The following A2ML1 variants were observed in gnomAD, a reference collection of about 807,000 sequenced individuals.
The protein encoded by A2ML1 is alpha-2-macroglobulin like 1.
In A2ML1, 161 loss-of-function variants were observed where a neutral mutation model predicts 181.9. The ratio of observed to expected loss-of-function variants is 0.89; its 90% confidence interval spans 0.78 to 1.01. A2ML1 has a LOEUF of 1.01. Ranked by LOEUF, A2ML1 falls within the 50% of genes least tolerant of loss-of-function variation. The pLI is 0.00. For synonymous variants in A2ML1, 663 were observed against 666.8 expected (o/e 0.99, Z 0.09); for missense variants, 1,670 against 1,768.1 (o/e 0.94, Z 1.00).
At position 8,862,891 on chromosome 12, in the gene A2ML1, C is replaced by T. The variant is rs770176366; in HGVS notation, c.3503-903C>T. ...ATCTCTAAAATTCTGTTTAATTAGT[C>T]TTCTAACGTACAGTCTTCTCATTTC... On this transcript the variant is annotated intron_variant, in intron 28 of 35. Transcript: ENST00000299698. Among the ~76,000 whole-genome samples the T allele has an allele frequency of 3.3e-5, 5 of 152,182 alleles. No individual in the cohort carries two copies. In the South Asian group the frequency reaches 1.0e-3, roughly 32 times the overall value.
intron 28 of A2ML1, among the ~76,000 whole-genome samples, chr12:8,863,047 G>T (rs759561206): frequency 6.6e-6 from 1 of 151,334 alleles, no homozygotes; most frequent in East Asian, 1.9e-4. Context: ...TTTCTTCATG[G>T]TTTCTCAGAA....
Position 8,835,614 on chromosome 12 carries a change from T to C in A2ML1, c.591T>C (p.Thr197=). Residue 197 remains threonine (T), a synonymous_variant, in exon 6 of 36, where the codon ACT becomes ACC. Transcript: ENST00000299698. The part of the protein sequence containing the change: ...LAPEAMLGTY[T]VAVAEGKTFG... Reference sequence around the variant, plus strand: ...CAGAGGCAATGCTGGGCACCTACACTGTGGCAGTGGCTGAGGGCAAGACCT... The same window carrying C: ...CAGAGGCAATGCTGGGCACCTACACCGTGGCAGTGGCTGAGGGCAAGACCT... 6.2e-7 allele frequency: 1 copy of C among 1,614,176 alleles called. No homozygotes were observed. The highest frequency in any genetic ancestry group is 2.2e-5 in the East Asian group (1 of 44,888).
chr12:8,846,035 T>C (rs1943671897), intron 13 of A2ML1, 42 bp from the exon 14 acceptor site: 2 of 1,610,504 alleles, frequency 1.2e-6, no homozygotes, highest in Middle Eastern at 1.7e-4. Context: ...GGCAGGTGAA[T>C]GTGCATTCTG....
At chr12:8,860,839 C>T (rs1944231030) in intron 26 of A2ML1, 42 bp from the exon 27 acceptor site, 2 of 1,554,756 alleles carry the variant, frequency 1.3e-6, no homozygotes, top group Non-Finnish European at 1.8e-6. Context: ...CTTGCAGCTG[C>T]TGCCTGCTGC....
chr12:8,854,156 G>A lies in A2ML1; in HGVS notation c.2619G>A (p.Lys873=). Residue 873 remains lysine, a synonymous_variant, in exon 21 of 36, where the codon AAG becomes AAA. Transcript: ENST00000299698. ...ACATTAACTTTACTATTAGTACAAAGATTCTGGACAGCAATGAACCATGTG... is the reference window on the plus strand; with the variant it reads ...ACATTAACTTTACTATTAGTACAAAAATTCTGGACAGCAATGAACCATGTG... ...LGHINFTIST[K]ILDSNEPCGG... The A allele has an allele frequency of 1.2e-6, 2 of 1,603,826 alleles. No homozygotes were observed. The highest frequency in any genetic ancestry group is 1.7e-6 in the Non-Finnish European group (2 of 1,174,850).
In A2ML1 at chr12:8,838,475, T is replaced by C. The variant is rs1467151243; in HGVS notation, c.970+25T>C. The C allele has an allele frequency of 1.5e-5, 24 of 1,580,658 alleles. No individual in the cohort carries two copies. In the Admixed American group the frequency reaches 4.1e-4, roughly 27 times the overall value. On this transcript the variant is annotated intron_variant, in intron 9 of 35. Transcript: ENST00000299698. ...GGTAAGTAGGGTGCTCCTTGGCTCA[T>C]TAAGAAAAGAGAAAGAAAAAGGGCT... is the stretch of plus-strand genomic sequence containing the variant.
chr12:8,836,703 C>A lies in A2ML1; in HGVS notation c.728+364C>A, dbSNP rs182807139. On this transcript the variant is annotated intron_variant, in intron 7 of 35. Coordinates refer to ENST00000299698, the MANE Select transcript of A2ML1 (RefSeq NM_144670.6). The stretch of plus-strand genomic sequence containing the variant: ...TTCGCCGTGTTGGCCAGGCTGGTCT[C>A]GGACTCCTGACCTCAGGTGATCCGC... 2.8e-4 allele frequency among the ~76,000 whole-genome samples: 43 copies of A among 152,080 alleles called. 2 individuals carry two copies. In the East Asian group the frequency reaches 6.0e-3, roughly 21 times the overall value.
At chr12:8,841,670 T>C (rs1334029641) in intron 11 of A2ML1, 134 bp downstream of exon 11, 1 of 897,834 alleles carries the variant, frequency 1.1e-6, no homozygotes, top group South Asian at 2.0e-5. Flanking sequence ...GCTCTCCCGT[T>C]GACAAAAAGT....
downstream of A2ML1, among the ~76,000 whole-genome samples, chr12:8,880,917 CA>C (rs1944864701): frequency 6.6e-6 from 1 of 152,120 alleles, no homozygotes; most frequent in Non-Finnish European, 1.5e-5. Context: ...TATGTGTGAG[CA>C]GAGTGATTCT....
chr12:8,825,950 A>G (rs1942915785), intron 3 of A2ML1, among the ~76,000 whole-genome samples: 1 of 151,898 alleles, frequency 6.6e-6, no homozygotes. Context: ...TGGTCTATGT[A>G]TTTGTTTTTA....
At chr12:8,838,076 A>C (rs1316776113) in intron 8 of A2ML1, among the ~76,000 whole-genome samples, 1 of 152,150 alleles carries the variant, frequency 6.6e-6, no homozygotes, top group Non-Finnish European at 1.5e-5. Context: ...GGAACCAAGA[A>C]ATTGACCTAA....
rs1943933674 is a variant in A2ML1 at position 8,852,703 on chromosome 12, T to C, written c.2590+367T>C. Among the ~76,000 whole-genome samples, 1 of 152,162 alleles carries C rather than the reference T, an allele frequency of 6.6e-6. No homozygotes were observed. Among genetic ancestry groups the C allele is most frequent in the Non-Finnish European group, 1.5e-5 (1 of 68,022 alleles). ...ATTGACTAATTAATTTTTATTTTAT[T>C]TATTTATTTTTGAGAGGAAGTCTCG... On this transcript the variant is annotated intron_variant, in intron 20 of 35. Transcript: ENST00000299698. The surrounding 1 kb of genome is among the most constrained non-coding windows in gnomAD (Gnocchi z 4.2).
At position 8,866,885 on chromosome 12, in the gene A2ML1, T is replaced by C. The variant is rs756713960; in HGVS notation, c.3718-957T>C. ...TTTTGTAATAGATATTTTACACGAG[T>C]GAGATATAACAATTTTGTTGAACAC... On this transcript the variant is annotated intron_variant, in intron 29 of 35. Transcript: ENST00000299698. Among the ~76,000 whole-genome samples the C allele has an allele frequency of 7.9e-5, 12 of 152,288 alleles. No homozygotes were observed. In the East Asian group the frequency reaches 2.3e-3, roughly 29 times the overall value.
chr12:8,857,962 A>G lies in A2ML1; in HGVS notation c.3124A>G (p.Thr1042Ala), dbSNP rs565930773. Residue 1042 changes from threonine (T) to alanine (A), a missense_variant, in exon 26 of 36, where the codon ACA (threonine) becomes GCA (alanine). Transcript: ENST00000299698. ...CCCATGTAGGCTGACAGCGTTTGTC[A>G]CAAAATGCTTTGGCCAAGCTCAGAA... ...NGNTWLTAFV[T>A]KCFGQAQKFI... The G allele has an allele frequency of 2.2e-4, 354 of 1,614,128 alleles. 1 individual carries two copies. The South Asian group carries it at 3.5e-3, about 16-fold the overall frequency.
chr12:8,854,741 C>T, intron 21 of A2ML1, 39 bp from the exon 22 acceptor site: 1 of 1,612,070 alleles, frequency 6.2e-7, no homozygotes, highest in Non-Finnish European at 8.5e-7. Context: ...TCCTGATGTT[C>T]ATCTTTGTTG....
rs756947345 is a variant in A2ML1 at position 8,857,119 on chromosome 12, T to G, written c.2849-45T>G. 3.8e-6 allele frequency: 6 copies of G among 1,576,038 alleles called. No homozygotes were observed. In the East Asian group the frequency reaches 1.3e-4, roughly 35 times the overall value. Reference sequence around the variant, plus strand: ...ATGATGATAACTCTTAGAGGGTCCCTTCTTCTCTGTACCCCTACCTTCTCT... The same window carrying G: ...ATGATGATAACTCTTAGAGGGTCCCGTCTTCTCTGTACCCCTACCTTCTCT... On this transcript the variant is annotated intron_variant, in intron 23 of 35. Transcript: ENST00000299698.
intron 26 of A2ML1, among the ~76,000 whole-genome samples, chr12:8,860,434 C>G (rs780205611): frequency 1.4e-4 from 21 of 152,272 alleles, no homozygotes; most frequent in Middle Eastern, 3.4e-3. Flanking sequence ...TTGCTTAGCT[C>G]TTTCTGGGAA....
At chr12:8,878,264 T>C (rs141614029), downstream of A2ML1, among the ~76,000 whole-genome samples, 960 of 152,244 alleles carry the variant, frequency 6.3e-3, 9 homozygotes, top group African/African-American at 0.022. This position sits in a 1 kb window ranked among gnomAD's most constrained non-coding sequence, Gnocchi z 4.4. Flanking sequence ...GATCATGCCA[T>C]CGCACTTCAG....
At chr12:8,861,072 C>T in intron 27 of A2ML1, 63 bp from the exon 28 acceptor site, 1 of 1,607,448 alleles carries the variant, frequency 6.2e-7, no homozygotes, top group South Asian at 1.1e-5. Flanking sequence ...AGATGATTTC[C>T]TGATTACTTG....
Sources: allele counts gnomAD v4.1 joint callset (sites outside exome capture counted in the v4.1 genomes callset), GRCh38; gene constraint gnomAD v4.1.1; non-coding constraint Gnocchi (gnomAD v3.1); transcripts MANE v1.5; gene names NCBI Gene and HGNC (gene_info 2026-07-23, HGNC 2026-07-21).